Variants in GNPTAB observed in about 807,000 individuals in gnomAD.
GNPTAB encodes the protein N-acetylglucosamine-1-phosphate transferase subunits alpha and beta.
Under a neutral mutation model 136.6 loss-of-function variants are expected in GNPTAB, and 92 were observed. The ratio of observed to expected loss-of-function variants is 0.67; its 90% CI spans 0.57 to 0.80. GNPTAB has a LOEUF of 0.80. GNPTAB is among the 30% of genes least tolerant of loss of function. The pLI is 0.00. For synonymous variants in GNPTAB, 512 were observed against 535.1 expected (o/e 0.96, Z 0.60); for missense variants, 1,343 against 1,501.8 (o/e 0.89, Z 1.75).
rs56016850 is a variant in GNPTAB at position 101,796,429 on chromosome 12, C to T, written c.203+248G>A. On this transcript the variant is annotated intron_variant, in intron 2 of 20. Coordinates refer to ENST00000299314, the MANE Select transcript of GNPTAB (RefSeq NM_024312.5). Reference sequence around the variant, plus strand: ...TTTTAAAAAAATATCTTACGGAATACTTCATGAATTGGTGTGTCACCCTTG... The same window carrying T: ...TTTTAAAAAAATATCTTACGGAATATTTCATGAATTGGTGTGTCACCCTTG... 3.2e-3 allele frequency: 2,049 copies of T among 637,570 alleles called. 36 individuals are homozygous for T. The African/African-American group carries it at 0.033, about 10-fold the overall frequency. 39.5% of individuals were successfully genotyped at this position (637,570 alleles called of 1,614,324 possible).
intron 2 of GNPTAB, among the ~76,000 whole-genome samples, chr12:101,792,098 G>A (rs1180402097): frequency 1.3e-5 from 2 of 152,046 alleles, no homozygotes; most frequent in African/African-American, 4.8e-5. Context: ...GGGAGGCGGG[G>A]CGGTCAGTTT....
Position 101,796,502 on chromosome 12 carries a change from CTTTT to C in GNPTAB, c.203+171_203+174del, listed in dbSNP as rs371856548. Reference sequence around the variant, plus strand: ...TCTGTATCGTTCCAGTTTTTTTTTCCTTTTTTTTAGTATATGTGCTGCTAAAGTG... The same window carrying C: ...TCTGTATCGTTCCAGTTTTTTTTTCCTTTTAGTATATGTGCTGCTAAAGTG... On this transcript the variant is annotated intron_variant, in intron 2 of 20. Transcript: ENST00000299314. 4 of 616,908 alleles carry C rather than the reference CTTTT, an allele frequency of 6.5e-6. No individual in the cohort carries two copies. The African/African-American group carries it at 7.4e-5, about 11-fold the overall frequency. The allele number at this position is 616,908 out of a possible 1,614,324, so 38.2% of individuals were successfully genotyped here. A position where few individuals can be genotyped will look rare whatever the true frequency, so the allele number is the denominator to read the frequency against.
At chr12:101,785,359 T>C (rs1304682715) in intron 5 of GNPTAB, among the ~76,000 whole-genome samples, 1 of 152,208 alleles carries the variant, frequency 6.6e-6, no homozygotes, top group Admixed American at 6.5e-5. Context: ...CATACCACCA[T>C]GTCCAGCTGT....
intron 1 of GNPTAB, among the ~76,000 whole-genome samples, chr12:101,817,222 T>G (rs1049018834): frequency 1.3e-5 from 2 of 151,936 alleles, no homozygotes; most frequent in African/African-American, 2.4e-5. Context: ...TGATACATGG[T>G]TGAGATGATG....
intron 13 of GNPTAB, among the ~76,000 whole-genome samples, chr12:101,763,689 C>G (rs762250371): frequency 6.6e-6 from 1 of 152,200 alleles, no homozygotes. Flanking sequence ...ATCTTGCATT[C>G]CCCAGTGGTT....
At chr12:101,789,812 C>T in intron 3 of GNPTAB, 126 bp downstream of exon 3, 1 of 1,003,872 alleles carries the variant, frequency 1.0e-6, no homozygotes, top group Non-Finnish European at 1.6e-6. Flanking sequence ...TCAGTTTTAC[C>T]AGATCCTTTT....
chr12:101,770,902 GTAAGTCCCCTTCCCTC>G, intron 8 of GNPTAB, 78 bp downstream of exon 8: 1 of 1,253,058 alleles, frequency 8.0e-7, no homozygotes. Flanking sequence ...TCACCTCTCT[GTAAGTCCCCTTCCCTC>G]TTCTAATATA....
intron 2 of GNPTAB, among the ~76,000 whole-genome samples, chr12:101,792,721 T>C (rs1279771954): frequency 6.6e-6 from 1 of 152,190 alleles, no homozygotes; most frequent in Non-Finnish European, 1.5e-5. Flanking sequence ...GGAATCCTGA[T>C]TGTACTGTGC....
At chr12:101,791,999 C>T (rs1216098578) in intron 2 of GNPTAB, among the ~76,000 whole-genome samples, 1 of 152,120 alleles carries the variant, frequency 6.6e-6, no homozygotes, top group African/African-American at 2.4e-5. Flanking sequence ...AGGGAGAAGA[C>T]AGGAAGTAAA....
At chr12:101,748,523 C>T (rs1459248427) in intron 20 of GNPTAB, among the ~76,000 whole-genome samples, 1 of 152,210 alleles carries the variant, frequency 6.6e-6, no homozygotes, top group African/African-American at 2.4e-5. Context: ...ACAAATCTCC[C>T]TCCGACTTCT....
rs536298369 is a variant in GNPTAB at position 101,767,395 on chromosome 12, A to ACT, written c.1408+641_1408+642insAG. Among the ~76,000 whole-genome samples, 439 of 152,334 alleles carry ACT rather than the reference A, an allele frequency of 2.9e-3. 3 individuals carry two copies. Among genetic ancestry groups the ACT allele is most frequent in the African/African-American group, 9.3e-3 (388 of 41,578 alleles). ...CTTATTTCTTTTGCAACTCTTTAGT[A>ACT]ATTCTGTGACCTATCACAATCTGCT... On this transcript the variant is annotated intron_variant, in intron 11 of 20. Transcript: ENST00000299314.
chr12:101,757,297 C>T lies in GNPTAB; in HGVS notation c.3349G>A (p.Gly1117Arg), dbSNP rs915045768. ...DKNKYRFEIM[G>R]EEEIAFKMIR... ...ATTTTAAAAGCGATTTCTTCTTCTC[C>T]CATGATTTCAAACCTAATTATCAAA... The change falls in exon 18 of 21, where the codon GGA (glycine) becomes AGA (arginine). Residue 1117 changes from glycine (G) to arginine (R), a missense_variant. Gly to Arg is a moderately radical substitution (Grantham distance 125). Coordinates refer to ENST00000299314, the MANE Select transcript of GNPTAB (RefSeq NM_024312.5). The T allele has an allele frequency of 6.3e-7, 1 of 1,594,656 alleles. No homozygotes were observed. The highest frequency in any genetic ancestry group is 2.2e-5 in the East Asian group (1 of 44,766).
chr12:101,756,682 T>C (rs1206023840), intron 18 of GNPTAB: 2 of 186,828 alleles, frequency 1.1e-5, no homozygotes, highest in African/African-American at 4.8e-5. Context: ...TAGCACATTT[T>C]ATCAAACCTG....
intron 15 of GNPTAB, 106 bp from the exon 16 acceptor site, chr12:101,760,249 T>C (rs1234282116): frequency 5.3e-6 from 4 of 753,296 alleles, no homozygotes; most frequent in African/African-American, 1.7e-5. Flanking sequence ...TTAAATGCTA[T>C]CTTCAAAGAG....
intron 4 of GNPTAB, among the ~76,000 whole-genome samples, chr12:101,786,920 A>G (rs957902636): frequency 7.9e-5 from 12 of 152,206 alleles, no homozygotes; most frequent in African/African-American, 2.9e-4. Flanking sequence ...TCAAAAAATG[A>G]TGACTCAATA....
intron 4 of GNPTAB, among the ~76,000 whole-genome samples, chr12:101,788,325 C>A (rs879777506): frequency 1.3e-5 from 2 of 152,150 alleles, no homozygotes; most frequent in African/African-American, 2.4e-5. Flanking sequence ...TCTAACCCTC[C>A]CCAGTGCAGT....
intron 1 of GNPTAB, among the ~76,000 whole-genome samples, chr12:101,812,905 A>C (rs539615047): frequency 2.0e-5 from 3 of 152,220 alleles, no homozygotes; most frequent in Non-Finnish European, 4.4e-5. Context: ...CCCAGACTTA[A>C]GCAATCCTCC....
In GNPTAB at chr12:101,770,208, A is replaced by G. The variant is rs112075452; in HGVS notation, c.1114-17T>C. The G allele has an allele frequency of 2.1e-3, 3,441 of 1,613,050 alleles. 49 individuals are homozygous for G. In the African/African-American group the frequency reaches 0.04, roughly 19 times the overall value. ...AAAAACATCCTTTTAACAACAACAA[A>G]CAAAAAAAGAGAGTGAATGAGAGCT... On this transcript the variant is annotated splice_polypyrimidine_tract_variant and intron_variant, in intron 9 of 20. Coordinates refer to ENST00000299314, the MANE Select transcript of GNPTAB (RefSeq NM_024312.5).
intron 5 of GNPTAB, 141 bp downstream of exon 5, chr12:101,785,871 C>T (rs950665912): frequency 4.4e-6 from 3 of 676,040 alleles, no homozygotes; most frequent in Non-Finnish European, 7.6e-6. Context: ...AATACAATAG[C>T]AGCTGTTTTG....
Sources: gnomAD v4.1 joint callset for allele counts (sites outside exome capture counted in the v4.1 genomes callset) on GRCh38, gnomAD v4.1.1 for gene constraint, MANE v1.5 for transcripts, NCBI Gene and HGNC (gene_info 2026-07-23, HGNC 2026-07-21) for gene names.